Variants in SLC39A11 observed in about 807,000 individuals in gnomAD.
SLC39A11 encodes the protein zinc transporter ZIP11.
A neutral mutation model predicts 36.1 loss-of-function variants in SLC39A11; 33 were observed. That is an observed-to-expected ratio of 0.91 (90% CI 0.69 to 1.22). The LOEUF is 1.22. Ranked by LOEUF, SLC39A11 falls within the 50% of genes most tolerant of loss-of-function variation. The probability of loss-of-function intolerance (pLI) is 0.00; values close to 1 mark genes in which losing one functional copy is unlikely to be tolerated. For missense variants in SLC39A11, 432 were observed against 430.3 expected (o/e 1.00, Z -0.03); for synonymous variants, 166 against 170.3 (o/e 0.97, Z 0.20).
chr17:72,715,056 G>A (rs538619977), intron 7 of SLC39A11, among the ~76,000 whole-genome samples: 33 of 152,232 alleles, frequency 2.2e-4, no homozygotes, highest in African/African-American at 7.7e-4. Context: ...CCAACTCCAC[G>A]GGTGTGCGAC....
chr17:73,008,162 TTTG>T (rs545974417), intron 4 of SLC39A11, among the ~76,000 whole-genome samples: 61,177 of 119,424 alleles, frequency 0.51, 16,498 homozygotes, highest in Non-Finnish European at 0.67. Context: ...TTGTTTTTTT[TTTG>T]TTTTTTTTTT....
chr17:72,683,429 G>C (rs376567184), intron 7 of SLC39A11, among the ~76,000 whole-genome samples: 2 of 149,420 alleles, frequency 1.3e-5, no homozygotes, highest in East Asian at 3.9e-4. Context: ...TCAACCTCTC[G>C]TGCTCAAGGG....
chr17:72,665,404 T>TTTTG (rs2070704796), intron 7 of SLC39A11, among the ~76,000 whole-genome samples: 2 of 118,598 alleles, frequency 1.7e-5, no homozygotes, highest in Admixed American at 8.6e-5. Flanking sequence ...TTTTTTTTTT[T>TTTTG]TTTTTTGAGA....
intron 7 of SLC39A11, among the ~76,000 whole-genome samples, chr17:72,691,612 C>A (rs146021890): frequency 6.6e-6 from 1 of 152,282 alleles, no homozygotes; most frequent in Non-Finnish European, 1.5e-5. Context: ...ATAATTTCAG[C>A]TGTTTGAGAT....
chr17:72,830,134 G>A (rs1327456656), intron 6 of SLC39A11, among the ~76,000 whole-genome samples: 1 of 152,200 alleles, frequency 6.6e-6, no homozygotes, highest in African/African-American at 2.4e-5. Flanking sequence ...CAAGCTCCCA[G>A]CAGGCTTCCA....
intron 6 of SLC39A11, among the ~76,000 whole-genome samples, chr17:72,796,683 A>G (rs1314565448): frequency 6.6e-6 from 1 of 152,168 alleles, no homozygotes; most frequent in African/African-American, 2.4e-5. Flanking sequence ...CAAACCACAC[A>G]CACACAAATC....
chr17:73,069,395 C>A (rs2060092925), intron 3 of SLC39A11, among the ~76,000 whole-genome samples: 1 of 152,252 alleles, frequency 6.6e-6, no homozygotes, highest in South Asian at 2.1e-4. Flanking sequence ...CAATGCCTTA[C>A]ACATAGTAAG....
chr17:72,671,840 G>A (rs1351784881), intron 7 of SLC39A11, among the ~76,000 whole-genome samples: 4 of 152,182 alleles, frequency 2.6e-5, no homozygotes, highest in African/African-American at 9.7e-5. Context: ...TAGAAATAGA[G>A]AGTGGAATGG....
intron 6 of SLC39A11, among the ~76,000 whole-genome samples, chr17:72,798,746 T>C (rs1381524383): frequency 6.6e-6 from 1 of 152,036 alleles, no homozygotes; most frequent in African/African-American, 2.4e-5. Context: ...TCACCTCATC[T>C]AAACCTAATC....
At chr17:72,923,969 G>GA (rs1349494260) in intron 5 of SLC39A11, among the ~76,000 whole-genome samples, 1 of 151,626 alleles carries the variant, frequency 6.6e-6, no homozygotes, top group East Asian at 1.9e-4. Flanking sequence ...ATATGGCGAA[G>GA]ACTTGTCGCT....
intron 7 of SLC39A11, among the ~76,000 whole-genome samples, chr17:72,727,265 A>C (rs558539518): frequency 6.6e-6 from 1 of 152,334 alleles, no homozygotes; most frequent in East Asian, 1.9e-4. Flanking sequence ...CAGAAAGGAA[A>C]ACCGCTTAAG....
intron 4 of SLC39A11, among the ~76,000 whole-genome samples, chr17:73,000,754 T>C (rs571027398): frequency 6.6e-6 from 1 of 152,336 alleles, no homozygotes; most frequent in South Asian, 2.1e-4. Flanking sequence ...AAATCCTACA[T>C]TGACTCTCAG....
At chr17:72,676,603 C>T (rs1425709025) in intron 7 of SLC39A11, among the ~76,000 whole-genome samples, 1 of 152,114 alleles carries the variant, frequency 6.6e-6, no homozygotes, top group Non-Finnish European at 1.5e-5. Context: ...TGTCTGCTTA[C>T]AAAGTTGGCC....
At chr17:72,700,611 G>A (rs539917584) in intron 7 of SLC39A11, among the ~76,000 whole-genome samples, 3 of 152,308 alleles carry the variant, frequency 2.0e-5, no homozygotes, top group Non-Finnish European at 4.4e-5. Flanking sequence ...GCAAGAAAGG[G>A]GTAAGACAGA....
intron 4 of SLC39A11, among the ~76,000 whole-genome samples, chr17:72,968,958 G>A: frequency 6.6e-6 from 1 of 151,900 alleles, no homozygotes; most frequent in East Asian, 1.9e-4. Context: ...AGGGTCCTCT[G>A]GCTCACCCAT....
chr17:72,849,574 G>A (rs926441615), intron 6 of SLC39A11, 60 bp downstream of exon 6: 7 of 1,407,744 alleles, frequency 5.0e-6, no homozygotes, highest in Non-Finnish European at 6.5e-6. Flanking sequence ...CCAGACAACT[G>A]TGCTGACAAA....
intron 3 of SLC39A11, among the ~76,000 whole-genome samples, chr17:73,049,980 G>A (rs757433592): frequency 9.0e-4 from 137 of 152,192 alleles, no homozygotes; most frequent in East Asian, 9.7e-4. Context: ...AAAATTAGCC[G>A]GGCGGAGTGG....
chr17:72,950,056 A>G (rs2085757123), intron 4 of SLC39A11, among the ~76,000 whole-genome samples: 2 of 151,858 alleles, frequency 1.3e-5, no homozygotes, highest in African/African-American at 4.8e-5. Context: ...CTAATGATTC[A>G]GATCTTTTAT....
At chr17:72,922,960 CAAAAAAAAAAAAAA>C (rs10645750) in intron 5 of SLC39A11, among the ~76,000 whole-genome samples, 7 of 44,072 alleles carry the variant, frequency 1.6e-4, no homozygotes, top group Non-Finnish European at 3.5e-4. Flanking sequence ...GACTCCTTCT[CAAAAAAAAAAAAAA>C]AAAAAAAAAA....
Sources: allele counts gnomAD v4.1 joint callset (sites outside exome capture counted in the v4.1 genomes callset), GRCh38; gene constraint gnomAD v4.1.1; transcripts MANE v1.5; gene names NCBI Gene and HGNC (gene_info 2026-07-23, HGNC 2026-07-21).